Variants in LRRC66 observed in about 807,000 individuals in gnomAD.
LRRC66 encodes the protein leucine rich repeat containing 66.
In LRRC66, 29 loss-of-function variants were observed where a neutral mutation model predicts 24.6. The ratio of observed to expected loss-of-function variants is 1.18; its 90% CI spans 0.88 to 1.61. The LOEUF (loss-of-function observed/expected upper bound fraction) is 1.61. LRRC66 is among the 40% of genes most tolerant of loss of function. The pLI, the probability that LRRC66 is intolerant of heterozygous loss-of-function variation, is 0.00. For missense variants in LRRC66, 1,124 were observed against 1,058.0 expected (o/e 1.06, Z -0.87); for synonymous variants, 411 against 397.6 (o/e 1.03, Z -0.40).
chr4:51,996,303 G>T, intron 4 of LRRC66, 138 bp from the exon 5 acceptor site: 1 of 775,954 alleles, frequency 1.3e-6, no homozygotes, highest in Non-Finnish European at 2.0e-6. Context: ...CTGGAGCGCA[G>T]TGGCACAATC....
chr4:52,016,316 C>T (rs1246969260), intron 2 of LRRC66, among the ~76,000 whole-genome samples: 2 of 151,968 alleles, frequency 1.3e-5, no homozygotes, highest in African/African-American at 4.8e-5. Flanking sequence ...AGAAAGAGAA[C>T]AATAACCTTA....
chr4:52,007,415 G>A (rs150987103), intron 2 of LRRC66, among the ~76,000 whole-genome samples: 2 of 151,920 alleles, frequency 1.3e-5, no homozygotes, highest in Non-Finnish European at 2.9e-5. Context: ...CAAATTTCTG[G>A]CCTCAAGCAA....
rs2110189842 is a variant in LRRC66, at chr4:51,995,191, G to C, written c.1831C>G (p.Gln611Glu). The C allele has an allele frequency of 1.9e-6, 3 of 1,614,214 alleles. No homozygotes were observed. The highest frequency in any genetic ancestry group is 2.5e-6 in the Non-Finnish European group (3 of 1,180,034). ...GDSKERGGTEQSLWDSQMEFS... is the reference protein window; with the variant it reads ...GDSKERGGTEESLWDSQMEFS... ...TCCATCTGCGAGTCCCAAAGTGACT[G>C]TTCAGTGCCCCCTCTTTCCTTACTA... Residue 611 changes from glutamine (Q) to glutamate (E), a missense_variant, in exon 5 of 5, where the codon CAG becomes GAG. By Grantham distance (29) the Gln-to-Glu change is conservative. Transcript: ENST00000682860.
In LRRC66 at chr4:51,995,479, C is replaced by T. The variant is rs1225226268; in HGVS notation, c.1543G>A (p.Ala515Thr). The change falls in exon 5 of 5, where the codon GCC (alanine) becomes ACC (threonine). Residue 515 changes from alanine (A) to threonine (T), a missense_variant. Physicochemically the swap from Ala to Thr is moderately conservative, Grantham distance 58 (BLOSUM62 0). Coordinates refer to ENST00000682860, the MANE Select transcript of LRRC66 (RefSeq NM_001024611.3). The part of the protein sequence containing the change: ...VYSILQRHPH[A>T]GNRELMSAAQ... ...GCTGACATTAGTTCACGGTTACCGG[C>T]ATGTGGATGTCTCTGGAGAATGGAA... The T allele has an allele frequency of 1.2e-6, 2 of 1,614,164 alleles. No homozygotes were observed. The highest frequency in any genetic ancestry group is 1.1e-5 in the South Asian group (1 of 91,072).
chr4:52,018,452 CATT>C lies in LRRC66; in HGVS notation c.-5-837_-5-835del, dbSNP rs147465430. 9.8e-5 allele frequency: 97 copies of C among 985,328 alleles called. No homozygotes were observed. The East Asian group carries it at 9.9e-3, about 100-fold the overall frequency. The allele number at this position is 985,328 out of a possible 1,614,324, so 61.0% of individuals were successfully genotyped here. ...AAGCCACTGTGTGTACAAATAATCA[CATT>C]ATTGAGTATATGAGTTTCCAAGAAA... On this transcript the variant is annotated intron_variant, in intron 1 of 4. Transcript: ENST00000682860.
rs775928663 is a variant in LRRC66 at position 52,003,368 on chromosome 4, T to G, written c.521A>C (p.Gln174Pro). ...PKGLWKLKSLQSLDLSFNGIL... is the reference protein window; with the variant it reads ...PKGLWKLKSLPSLDLSFNGIL... ...CCCATTGAATGACAGATCCAAACTCTGCAATGACTTCAGTTTCCACAGTCC... is the reference window on the plus strand; with the variant it reads ...CCCATTGAATGACAGATCCAAACTCGGCAATGACTTCAGTTTCCACAGTCC... The change falls in exon 3 of 5, where the codon CAG becomes CCG. Residue 174 changes from glutamine to proline, a missense_variant. By Grantham distance (76) the Gln-to-Pro change is moderately conservative. Transcript: ENST00000682860. 1 of 1,612,544 alleles carries G rather than the reference T, an allele frequency of 6.2e-7. No homozygotes were observed. Among genetic ancestry groups the G allele is most frequent in the Non-Finnish European group, 8.5e-7 (1 of 1,179,604 alleles).
chr4:51,995,198 G>T lies in LRRC66; in HGVS notation c.1824C>A (p.Gly608=). 6.2e-7 allele frequency: 1 copy of T among 1,614,174 alleles called. No homozygotes were observed. The highest frequency in any genetic ancestry group is 8.5e-7 in the Non-Finnish European group (1 of 1,180,028). The change falls in exon 5 of 5, where the codon GGC becomes GGA. Residue 608 remains glycine (G), a synonymous_variant. Transcript: ENST00000682860. ...GCGAGTCCCAAAGTGACTGTTCAGTGCCCCCTCTTTCCTTACTATCTCCAG... is the reference window on the plus strand; with the variant it reads ...GCGAGTCCCAAAGTGACTGTTCAGTTCCCCCTCTTTCCTTACTATCTCCAG... ...QRTGDSKERG[G]TEQSLWDSQM...
At position 51,996,063 on chromosome 4, in the gene LRRC66, T is replaced by C; in HGVS notation, c.959A>G (p.Lys320Arg). 6.2e-7 allele frequency: 1 copy of C among 1,614,044 alleles called. No individual in the cohort carries two copies. The highest frequency in any genetic ancestry group is 8.5e-7 in the Non-Finnish European group (1 of 1,180,006). Residue 320 changes from lysine (K) to arginine (R), a missense_variant, in exon 5 of 5, where the codon AAA (lysine) becomes AGA (arginine). Lys to Arg is a conservative substitution (Grantham distance 26). Transcript: ENST00000682860. ...LHRMKSLIRS[K>R]AERPQGGRHT... ...CCTTCCTCCCTGGGGCCTCTCTGCT[T>C]TGCTCCTTATGAGGCTTTTCATGCG...
Position 51,996,205 on chromosome 4 carries a change from T to G in LRRC66, c.857-40A>C, listed in dbSNP as rs192948882. On this transcript the variant is annotated intron_variant, in intron 4 of 4. Transcript: ENST00000682860. ...AAAAAAATACACATTGAGCGAACAT[T>G]GAAATAAGATTTCAGGGGTTTTTCT... is the stretch of plus-strand genomic sequence containing the variant. The G allele has an allele frequency of 2.9e-5, 44 of 1,492,084 alleles. No homozygotes were observed. In the East Asian group the frequency reaches 9.7e-4, roughly 33 times the overall value. The allele number at this position is 1,492,084 out of a possible 1,614,324, so 92.4% of individuals were successfully genotyped here. A position where few individuals can be genotyped will look rare whatever the true frequency, so the allele number is the denominator to read the frequency against.
chr4:51,999,228 A>G (rs1037579434), intron 3 of LRRC66, among the ~76,000 whole-genome samples: 2 of 152,250 alleles, frequency 1.3e-5, no homozygotes, highest in Non-Finnish European at 2.9e-5. Context: ...TGATGAATAT[A>G]ATCTAGAAAG....
chr4:51,994,743 T>C lies in LRRC66; in HGVS notation c.2279A>G (p.Gln760Arg). 1 of 1,614,220 alleles carries C rather than the reference T, an allele frequency of 6.2e-7. No homozygotes were observed. Among genetic ancestry groups the C allele is most frequent in the Non-Finnish European group, 8.5e-7 (1 of 1,180,038 alleles). The change falls in exon 5 of 5, where the codon CAA (glutamine) becomes CGA (arginine). Residue 760 changes from glutamine (Q) to arginine (R), a missense_variant. By Grantham distance (43) the Gln-to-Arg change is conservative (BLOSUM62 1). Coordinates refer to ENST00000682860, the MANE Select transcript of LRRC66 (RefSeq NM_001024611.3). ...VDSLEENVTFQTIPGKCKNQE... is the reference protein window; with the variant it reads ...VDSLEENVTFRTIPGKCKNQE... ...ATTCTTGCATTTCCCTGGAATTGTT[T>C]GGAAGGTAACATTTTCCTCAAGACT...
At chr4:51,997,636 G>A (rs955583006) in intron 4 of LRRC66, 112 bp downstream of exon 4, 3 of 924,456 alleles carry the variant, frequency 3.2e-6, no homozygotes, top group Admixed American at 2.1e-5. Flanking sequence ...CTAATGCCAA[G>A]GATCAGCACT....
At position 52,020,169 on chromosome 4, in the gene LRRC66, C is replaced by A. The variant is rs78489081; in HGVS notation, c.-6+135G>T. Among the ~76,000 whole-genome samples the A allele has an allele frequency of 4.6e-5, 7 of 151,866 alleles. No homozygotes were observed. In the East Asian group the frequency reaches 1.2e-3, roughly 25 times the overall value. On this transcript the variant is annotated intron_variant, in intron 1 of 4. Transcript: ENST00000682860. ...ATAGGAAGAAGGCAGCACAAAAAAA[C>A]AAAGTATTATAGAAAGGAAATGAAG...
chr4:52,004,025 CAG>C (rs1736516635), intron 2 of LRRC66, among the ~76,000 whole-genome samples: 1 of 151,774 alleles, frequency 6.6e-6, no homozygotes, highest in Admixed American at 6.6e-5. Flanking sequence ...TTTTCTGAGA[CAG>C]AGTCTCGCTC....
chr4:51,996,388 AG>A (rs569024753), intron 4 of LRRC66, among the ~76,000 whole-genome samples: 167 of 151,994 alleles, frequency 1.1e-3, no homozygotes, highest in African/African-American at 3.8e-3. Flanking sequence ...CTGGGACTAC[AG>A]GTGTGTGTCA....
At chr4:52,015,626 T>C (rs1369154378) in intron 2 of LRRC66, among the ~76,000 whole-genome samples, 1 of 152,224 alleles carries the variant, frequency 6.6e-6, no homozygotes, top group Non-Finnish European at 1.5e-5. Context: ...CAGAAGGTTA[T>C]ATCTCTAGTA....
Position 52,015,316 on chromosome 4 carries a change from CAG to C in LRRC66, c.496+1800_496+1801del, listed in dbSNP as rs549350957. On this transcript the variant is annotated intron_variant, in intron 2 of 4. Transcript: ENST00000682860. ...CCTTTAGAAGAAAGTGATTTCCAGACAGAGGGTTTTGAAGAAAAAAAAAAGGG... is the reference window on the plus strand; with the variant it reads ...CCTTTAGAAGAAAGTGATTTCCAGACAGGGTTTTGAAGAAAAAAAAAAGGG... 3.2e-4 allele frequency among the ~76,000 whole-genome samples: 48 copies of C among 151,138 alleles called. 1 individual carries two copies. In the South Asian group the frequency reaches 6.7e-3, roughly 21 times the overall value.
rs555885737 is a variant in LRRC66, at chr4:52,004,732, T to C, written c.497-1340A>G. Among the ~76,000 whole-genome samples the C allele has an allele frequency of 4.6e-5, 7 of 152,312 alleles. No individual in the cohort carries two copies. The East Asian group carries it at 5.8e-4, about 13-fold the overall frequency. On this transcript the variant is annotated intron_variant, in intron 2 of 4. Coordinates refer to ENST00000682860, the MANE Select transcript of LRRC66 (RefSeq NM_001024611.3). ...TGTCTGCAAGGTACTTATTGTAAGATTGATTATACAGGGAGATGACTTAAT... is the reference window on the plus strand; with the variant it reads ...TGTCTGCAAGGTACTTATTGTAAGACTGATTATACAGGGAGATGACTTAAT...
intron 3 of LRRC66, among the ~76,000 whole-genome samples, chr4:52,002,560 A>T (rs1459944256): frequency 6.6e-6 from 1 of 152,224 alleles, no homozygotes; most frequent in East Asian, 1.9e-4. Context: ...TTACCCTTAC[A>T]GTAGTATAAT....
Sources: gnomAD v4.1 joint callset for allele counts (sites outside exome capture counted in the v4.1 genomes callset) on GRCh38, gnomAD v4.1.1 for gene constraint, MANE v1.5 for transcripts, NCBI Gene and HGNC (gene_info 2026-07-23, HGNC 2026-07-21) for gene names.